CDCA2: variants seen among roughly 807,000 people sequenced by gnomAD.
CDCA2 encodes cell division cycle-associated protein 2.
A neutral mutation model predicts 67.0 loss-of-function variants in CDCA2; 44 were observed. The ratio of observed to expected loss-of-function variants is 0.66; its 90% CI spans 0.52 to 0.84. The LOEUF is 0.84. Among genes scored for constraint, CDCA2 ranks in the 40% least tolerant of loss-of-function variants. The pLI is 0.00. For synonymous variants in CDCA2, 447 were observed against 418.7 expected, an observed-to-expected ratio of 1.07 and a Z score of -0.82; for missense variants, 1,253 against 1,203.2, an observed-to-expected ratio of 1.04 and a Z score of -0.61.
intron 13 of CDCA2, among the ~76,000 whole-genome samples, chr8:25,497,628 G>A (rs1007751665): frequency 2.0e-5 from 3 of 152,078 alleles, no homozygotes; most frequent in Non-Finnish European, 4.4e-5. Context: ...GTTAGGATGA[G>A]TAAGTTCTGG....
chr8:25,485,642 C>T, intron 10 of CDCA2, 117 bp from the exon 11 acceptor site: 11 of 506,206 alleles, frequency 2.2e-5, no homozygotes, highest in Admixed American at 3.8e-5. Context: ...TATTGATTAC[C>T]CATCTTTATG....
chr8:25,467,064 A>AAAAC (rs1191915218), intron 5 of CDCA2, among the ~76,000 whole-genome samples: 6 of 140,370 alleles, frequency 4.3e-5, no homozygotes, highest in Admixed American at 1.4e-4. Flanking sequence ...AAAAAAAAAA[A>AAAAC]AACACACACA....
chr8:25,488,203 T>C (rs11780572), intron 12 of CDCA2, among the ~76,000 whole-genome samples: 61,242 of 152,024 alleles, frequency 0.4, 12,726 homozygotes, highest in African/African-American at 0.51. Context: ...AATCTAAAAA[T>C]TCATGATTTT....
intron 8 of CDCA2, among the ~76,000 whole-genome samples, chr8:25,481,179 G>T (rs1031580970): frequency 2.7e-5 from 4 of 145,754 alleles, no homozygotes; most frequent in Non-Finnish European, 4.5e-5. Flanking sequence ...CCTGACTTTG[G>T]AAGGCCAACA....
At chr8:25,491,582 G>A (rs1804004793) in intron 13 of CDCA2, among the ~76,000 whole-genome samples, 1 of 152,078 alleles carries the variant, frequency 6.6e-6, no homozygotes, top group African/African-American at 2.4e-5. Context: ...AATTAAGTGT[G>A]AAGGAAAAAA....
intron 4 of CDCA2, among the ~76,000 whole-genome samples, chr8:25,463,682 A>G (rs886437131): frequency 2.0e-5 from 3 of 152,104 alleles, no homozygotes; most frequent in African/African-American, 7.2e-5. Flanking sequence ...TCCATTGGCT[A>G]TCCCACAGAG....
chr8:25,497,934 T>G lies in CDCA2; in HGVS notation c.1672-5439T>G, dbSNP rs145108591. Among the ~76,000 whole-genome samples the G allele has an allele frequency of 4.2e-3, 647 of 152,268 alleles. 4 individuals are homozygous for G. Among genetic ancestry groups the G allele is most frequent in the Middle Eastern group, 0.017 (5 of 294 alleles). ...CATGGAGGAACATAGACTCACCTAC[T>G]GTAGTGAGCCAAATCTAGGACTTGG... On this transcript the variant is annotated intron_variant, in intron 13 of 14. Coordinates refer to ENST00000330560, the MANE Select transcript of CDCA2 (RefSeq NM_152562.4).
chr8:25,474,582 G>GT (rs1364361107), intron 7 of CDCA2, among the ~76,000 whole-genome samples: 1 of 152,126 alleles, frequency 6.6e-6, no homozygotes, highest in African/African-American at 2.4e-5. Flanking sequence ...AGGTTCTCTG[G>GT]TTGCTTCCTG....
Position 25,507,604 on chromosome 8 carries a change from A to G in CDCA2, c.2938A>G (p.Ile980Val), listed in dbSNP as rs1360439795. The G allele has an allele frequency of 8.1e-6, 13 of 1,614,032 alleles. No homozygotes were observed. The highest frequency in any genetic ancestry group is 8.5e-6 in the Non-Finnish European group (10 of 1,179,980). Reference sequence around the variant, plus strand: ...TGGTAAGAGGAGGAAGAGCTTTTGTATATCTACACTTGCAAATACTAAAGC... The same window carrying G: ...TGGTAAGAGGAGGAAGAGCTTTTGTGTATCTACACTTGCAAATACTAAAGC... ...EPGKRRKSFC[I>V]STLANTKATS... Residue 980 changes from isoleucine (I) to valine (V), a missense_variant, in exon 15 of 15, where the codon ATA becomes GTA. Physicochemically the swap from Ile to Val is conservative, Grantham distance 29. Coordinates refer to ENST00000330560, the MANE Select transcript of CDCA2 (RefSeq NM_152562.4).
intron 7 of CDCA2, among the ~76,000 whole-genome samples, chr8:25,470,873 T>C (rs1803125665): frequency 6.6e-6 from 1 of 151,974 alleles, no homozygotes; most frequent in African/African-American, 2.4e-5. Context: ...GCCATTCTTG[T>C]GTTTCAGCCT....
chr8:25,468,132 A>AG, intron 5 of CDCA2, 85 bp from the exon 6 acceptor site: 4 of 536,732 alleles, frequency 7.5e-6, no homozygotes, highest in Non-Finnish European at 1.0e-5. Context: ...AAAAAAAAAA[A>AG]AAAAAAAGAA....
At chr8:25,461,913 T>G (rs1440301573) in intron 3 of CDCA2, 141 bp from the exon 4 acceptor site, 2 of 715,358 alleles carry the variant, frequency 2.8e-6, no homozygotes, top group African/African-American at 3.6e-5. Flanking sequence ...TATGAATGAC[T>G]GTGCCAGTAA....
chr8:25,493,616 A>G (rs1804097129), intron 13 of CDCA2, among the ~76,000 whole-genome samples: 1 of 152,244 alleles, frequency 6.6e-6, no homozygotes, highest in Non-Finnish European at 1.5e-5. Flanking sequence ...ATAACAAAAC[A>G]TTTACAAAAC....
chr8:25,460,116 C>A (rs947973318), intron 1 of CDCA2, 124 bp from the exon 2 acceptor site: 38 of 872,298 alleles, frequency 4.4e-5, no homozygotes, highest in Middle Eastern at 2.3e-4. Context: ...AAAATGAAAC[C>A]TGTGACGTGT....
In CDCA2 at chr8:25,470,461, T is replaced by C. The variant is rs531181002; in HGVS notation, c.820+481T>C. Among the ~76,000 whole-genome samples, 150 of 152,350 alleles carry C rather than the reference T, an allele frequency of 9.8e-4. 1 individual carries two copies. The South Asian group carries it at 0.031, about 31-fold the overall frequency. On this transcript the variant is annotated intron_variant, in intron 7 of 14. Coordinates refer to ENST00000330560, the MANE Select transcript of CDCA2 (RefSeq NM_152562.4). ...CTTGTGTTTTATTAATCCATTCTGATAATTTATTGTAATTGGAATATTTCG... is the reference window on the plus strand; with the variant it reads ...CTTGTGTTTTATTAATCCATTCTGACAATTTATTGTAATTGGAATATTTCG...
rs569734827 is a variant in CDCA2, at chr8:25,485,702, A to G, written c.1366-57A>G. ...ATAAATTCTTACTCTTCTTTTGGGC[A>G]CATTATGTATTCACTGCATTTAAAG... On this transcript the variant is annotated intron_variant, in intron 10 of 14. Coordinates refer to ENST00000330560, the MANE Select transcript of CDCA2 (RefSeq NM_152562.4). The G allele has an allele frequency of 9.6e-6, 9 of 934,170 alleles. No individual in the cohort carries two copies. In the African/African-American group the frequency reaches 1.3e-4, roughly 14 times the overall value. 57.9% of individuals were successfully genotyped at this position (934,170 alleles called of 1,614,324 possible). A position where few individuals can be genotyped will look rare whatever the true frequency, so the allele number is the denominator to read the frequency against.
chr8:25,466,055 C>A (rs543568737), intron 4 of CDCA2, 120 bp from the exon 5 acceptor site: 1 of 823,226 alleles, frequency 1.2e-6, no homozygotes, highest in Non-Finnish European at 1.8e-6. Context: ...AACTCCTTAC[C>A]GCTGATCTTC....
In CDCA2 at chr8:25,483,478, A is replaced by AGAAGC. The variant is rs1803648244; in HGVS notation, c.1112_1113insGAAGC (p.Glu372LysfsTer16). On this transcript the variant is annotated frameshift_variant, in exon 9 of 15. Coordinates refer to ENST00000330560, the MANE Select transcript of CDCA2 (RefSeq NM_152562.4). LOFTEE classifies it high-confidence loss of function. ...AATCTCCCAAACTGTTGCAAAGAGAAAGAAGCAGGTAAGAAATTCATACTT... is the reference window on the plus strand; with the variant it reads ...AATCTCCCAAACTGTTGCAAAGAGAAGAAGCAGAAGCAGGTAAGAAATTCATACTT... 1 of 1,608,806 alleles carries AGAAGC rather than the reference A, an allele frequency of 6.2e-7. No individual in the cohort carries two copies. The highest frequency in any genetic ancestry group is 8.5e-7 in the Non-Finnish European group (1 of 1,176,756).
intron 5 of CDCA2, among the ~76,000 whole-genome samples, chr8:25,466,634 G>C (rs1563260636): frequency 6.6e-6 from 1 of 152,124 alleles, no homozygotes; most frequent in African/African-American, 2.4e-5. Context: ...GCAAATTTGA[G>C]TTTACAAATC....
Sources: gnomAD v4.1 joint callset for allele counts (sites outside exome capture counted in the v4.1 genomes callset) on GRCh38, gnomAD v4.1.1 for gene constraint, MANE v1.5 for transcripts, NCBI Gene and HGNC (gene_info 2026-07-23, HGNC 2026-07-21) for gene names.